The following VNN2 variants were observed in gnomAD, a reference collection of about 807,000 sequenced individuals.
VNN2 encodes vanin 2.
VNN2 carries 43 observed loss-of-function variants against 43.0 expected under a neutral mutation model. That is an observed-to-expected ratio of 1.00 (90% CI 0.78 to 1.29). The LOEUF (loss-of-function observed/expected upper bound fraction) is 1.29, where lower values mean the gene tolerates loss of function less well. Ranked by LOEUF, VNN2 falls within the 50% of genes most tolerant of loss-of-function variation. VNN2 has a pLI of 0.00. For synonymous variants in VNN2, 230 were observed against 224.3 expected, an observed-to-expected ratio of 1.03 and a Z score of -0.23; for missense variants, 652 against 619.7, an observed-to-expected ratio of 1.05 and a Z score of -0.55.
chr6:132,748,958 T>C (rs917402930), intron 6 of VNN2, among the ~76,000 whole-genome samples: 2 of 152,210 alleles, frequency 1.3e-5, no homozygotes, highest in African/African-American at 4.8e-5. Flanking sequence ...AACATCTGAT[T>C]TTCTGTTTGT....
Position 132,756,047 on chromosome 6 carries a change from T to A in VNN2, c.345-12A>T. 2 of 1,538,960 alleles carry A rather than the reference T, an allele frequency of 1.3e-6. No homozygotes were observed. Among genetic ancestry groups the A allele is most frequent in the Non-Finnish European group, 1.7e-6 (2 of 1,146,358 alleles). On this transcript the variant is annotated splice_polypyrimidine_tract_variant and intron_variant, in intron 2 of 6. Transcript: ENST00000326499. ...GTGTGTGACCAAATCTAAACCAAAT[T>A]ATAATTAAGAAATTTCAATTTTAAA...
intron 2 of VNN2, 77 bp from the exon 3 acceptor site, chr6:132,756,112 G>A (rs1054106150): frequency 3.5e-5 from 46 of 1,331,030 alleles, no homozygotes; most frequent in Middle Eastern, 2.6e-4. Flanking sequence ...GATAGCAACT[G>A]TAACCACTTA....
At chr6:132,750,182 T>A (rs764838553) in intron 5 of VNN2, among the ~76,000 whole-genome samples, 49 of 151,832 alleles carry the variant, frequency 3.2e-4, no homozygotes, top group Non-Finnish European at 6.5e-4. Flanking sequence ...TACTGAAGAG[T>A]ACTGAAGCTG....
chr6:132,755,227 T>C (rs1347605690), intron 3 of VNN2, among the ~76,000 whole-genome samples: 2 of 152,014 alleles, frequency 1.3e-5, no homozygotes, highest in Non-Finnish European at 2.9e-5. Context: ...AGTATCTTTT[T>C]TTATGTTAAA....
intron 3 of VNN2, chr6:132,753,451 T>C: frequency 2.2e-6 from 1 of 453,718 alleles, no homozygotes; most frequent in Non-Finnish European, 4.4e-6. Context: ...ATCTCTCTCT[T>C]TAGTGTCCCA....
intron 6 of VNN2, among the ~76,000 whole-genome samples, chr6:132,748,175 T>C (rs1184115747): frequency 1.3e-5 from 2 of 152,228 alleles, no homozygotes; most frequent in Non-Finnish European, 1.5e-5. Context: ...TCTCACTTCC[T>C]TGAAGTGATC....
Position 132,744,017 on chromosome 6 carries a change from A to T in VNN2, c.*283T>A. On this transcript the variant is annotated 3_prime_UTR_variant, in exon 7 of 7. Coordinates refer to ENST00000326499, the MANE Select transcript of VNN2 (RefSeq NM_004665.6). ...ACATACAAGTCCCCCATACACACAA[A>T]GTCTCAAGCAAATGAGGCTGGAGCT... The T allele has an allele frequency of 4.0e-6, 1 of 246,932 alleles. No homozygotes were observed. Among genetic ancestry groups the T allele is most frequent in the Non-Finnish European group, 7.6e-6 (1 of 130,824 alleles). The allele number at this position is 246,932 out of a possible 1,614,324, so 15.3% of individuals were successfully genotyped here.
chr6:132,757,357 G>A (rs1220172721), intron 2 of VNN2, 59 bp downstream of exon 2: 2 of 1,525,860 alleles, frequency 1.3e-6, no homozygotes, highest in African/African-American at 2.8e-5. Context: ...TTTTGCTTTG[G>A]TGAACGTGCG....
chr6:132,752,981 C>G (rs968499445), intron 3 of VNN2: 2 of 465,834 alleles, frequency 4.3e-6, no homozygotes, highest in African/African-American at 2.0e-5. Context: ...CTCTTTCCCT[C>G]TCTCTCAGTT....
chr6:132,752,777 G>A lies in VNN2; in HGVS notation c.538-28C>T, dbSNP rs143219559. 2.9e-4 allele frequency: 457 copies of A among 1,581,992 alleles called. 3 individuals carry two copies. The East Asian group carries it at 8.1e-3, about 28-fold the overall frequency. Reference sequence around the variant, plus strand: ...ACAACAAATGGATAGGAGAAAACCAGTAAAACCTTATTTGTTGAAGAAATG... The same window carrying A: ...ACAACAAATGGATAGGAGAAAACCAATAAAACCTTATTTGTTGAAGAAATG... On this transcript the variant is annotated intron_variant, in intron 3 of 6. Coordinates refer to ENST00000326499, the MANE Select transcript of VNN2 (RefSeq NM_004665.6).
In VNN2 at chr6:132,751,443, A is replaced by T. The variant is rs887000103; in HGVS notation, c.902T>A (p.Leu301His). ...TAGGGGATGTGAATCCACCTCTGAA[A>T]GGAGAAGTTTTCCCAACTCTGTCTT... ...DMKTELGKLLLSEVDSHPLSS... is the reference protein window; with the variant it reads ...DMKTELGKLLHSEVDSHPLSS... The change falls in exon 5 of 7, where the codon CTT becomes CAT. Residue 301 changes from leucine (L) to histidine (H), a missense_variant. Leu to His is a moderately conservative substitution (Grantham distance 99). Transcript: ENST00000326499. 1 of 1,614,164 alleles carries T rather than the reference A, an allele frequency of 6.2e-7. No homozygotes were observed. The highest frequency in any genetic ancestry group is 8.5e-7 in the Non-Finnish European group (1 of 1,180,002).
upstream of VNN2, chr6:132,758,040 T>C (rs13193519): frequency 5.4e-6 from 1 of 185,736 alleles, no homozygotes; most frequent in South Asian, 1.0e-4. Flanking sequence ...CTTCTTCTTC[T>C]TTTTTTTTTT....
At chr6:132,746,003 A>G (rs955197209) in intron 6 of VNN2, among the ~76,000 whole-genome samples, 8 of 152,250 alleles carry the variant, frequency 5.3e-5, no homozygotes, top group Admixed American at 6.5e-5. Flanking sequence ...GAAGATAATG[A>G]TTGTACTTCA....
chr6:132,754,763 T>C (rs1038685522), intron 3 of VNN2, among the ~76,000 whole-genome samples: 1 of 152,260 alleles, frequency 6.6e-6, no homozygotes, highest in African/African-American at 2.4e-5. Flanking sequence ...TATAAGATGG[T>C]AATTAAATTA....
Position 132,749,841 on chromosome 6 carries a change from T to A in VNN2, c.1225A>T (p.Thr409Ser). Residue 409 changes from threonine to serine, a missense_variant, in exon 6 of 7, where the codon ACT becomes TCT. Physicochemically the swap from Thr to Ser is moderately conservative, Grantham distance 58 (BLOSUM62 1). Transcript: ENST00000326499. ...CGTCCACAAGTTGTCAAATTAGTAGTTTTGCACTTCAGCAGTGTGCAGACC... is the reference window on the plus strand; with the variant it reads ...CGTCCACAAGTTGTCAAATTAGTAGATTTGCACTTCAGCAGTGTGCAGACC... The part of the protein sequence containing the change: ...WQVCTLLKCK[T>S]TNLTTCGRPV... 1.2e-6 allele frequency: 2 copies of A among 1,614,042 alleles called. No homozygotes were observed. Among genetic ancestry groups the A allele is most frequent in the South Asian group, 2.2e-5 (2 of 91,070 alleles).
intron 6 of VNN2, among the ~76,000 whole-genome samples, chr6:132,748,196 A>G (rs942906678): frequency 2.0e-5 from 3 of 152,138 alleles, no homozygotes; most frequent in African/African-American, 7.2e-5. Context: ...TCAGATAGAT[A>G]TTTATGTCAG....
rs1216016247 is a variant in VNN2 at position 132,757,753 on chromosome 6, G to C, written c.131C>G (p.Pro44Arg). ...ATTCAAGGCATCCTCCTGAGAAACT[G>C]GTGTTTCTGTTTTATTTGGCAAAAT... is the stretch of plus-strand genomic sequence containing the variant. ...AVILPNKTETPVSQEDALNLM... is the reference protein window; with the variant it reads ...AVILPNKTETRVSQEDALNLM... The change falls in exon 1 of 7, where the codon CCA (proline) becomes CGA (arginine). Residue 44 changes from proline (P) to arginine (R), a missense_variant. Transcript: ENST00000326499. 1.9e-6 allele frequency: 3 copies of C among 1,614,044 alleles called. No homozygotes were observed. Among genetic ancestry groups the C allele is most frequent in the Non-Finnish European group, 2.5e-6 (3 of 1,180,006 alleles).
At chr6:132,750,075 G>A (rs1779967111) in intron 5 of VNN2, among the ~76,000 whole-genome samples, 1 of 152,164 alleles carries the variant, frequency 6.6e-6, no homozygotes, top group South Asian at 2.1e-4. Context: ...CGGATTAAGA[G>A]AAAGAAGTCA....
At chr6:132,753,546 T>TAA in intron 3 of VNN2, 4 of 421,566 alleles carry the variant, frequency 9.5e-6, no homozygotes, top group South Asian at 1.7e-5. Flanking sequence ...CTAGGTAAAC[T>TAA]AAAAAAAAAC....
Sources: gnomAD v4.1 joint callset for allele counts (sites outside exome capture counted in the v4.1 genomes callset) on GRCh38, gnomAD v4.1.1 for gene constraint, MANE v1.5 for transcripts, NCBI Gene and HGNC (gene_info 2026-07-23, HGNC 2026-07-21) for gene names.